The following LHFPL6 variants were observed in gnomAD, a reference collection of about 807,000 sequenced individuals.
LHFPL6 encodes the protein LHFPL tetraspan subfamily member 6.
LHFPL6 carries 9 observed loss-of-function variants against 20.6 expected under a neutral mutation model. That is an observed-to-expected ratio of 0.44 (90% CI 0.26 to 0.76). The LOEUF (loss-of-function observed/expected upper bound fraction) is 0.76. LHFPL6 is among the 30% of genes least tolerant of loss of function. The pLI, the probability that LHFPL6 is intolerant of heterozygous loss-of-function variation, is 0.20. For synonymous variants in LHFPL6, 105 were observed against 98.7 expected, an observed-to-expected ratio of 1.06 and a Z score of -0.38; for missense variants, 218 against 253.5, an observed-to-expected ratio of 0.86 and a Z score of 0.95.
chr13:39,384,006 T>C (rs1350043944), intron 2 of LHFPL6, among the ~76,000 whole-genome samples: 1 of 152,208 alleles, frequency 6.6e-6, no homozygotes, highest in Non-Finnish European at 1.5e-5. Context: ...GACCTCTTAG[T>C]AGGTCTACAA....
intron 2 of LHFPL6, among the ~76,000 whole-genome samples, chr13:39,542,399 C>T (rs1485351638): frequency 6.6e-6 from 1 of 152,176 alleles, no homozygotes; most frequent in African/African-American, 2.4e-5. Flanking sequence ...TAGCACAATG[C>T]CAGCTTCACC....
At chr13:39,362,605 A>G (rs1869903472) in intron 3 of LHFPL6, among the ~76,000 whole-genome samples, 1 of 152,198 alleles carries the variant, frequency 6.6e-6, no homozygotes, top group Non-Finnish European at 1.5e-5. Context: ...ACACCTGCAT[A>G]ATGGCCATTT....
At chr13:39,466,059 C>T (rs369398297) in intron 2 of LHFPL6, among the ~76,000 whole-genome samples, 15 of 152,106 alleles carry the variant, frequency 9.9e-5, no homozygotes, top group African/African-American at 3.6e-4. Flanking sequence ...TTCTTGAATG[C>T]CAGCCTTTGG....
At chr13:39,359,991 A>C (rs1055136313) in intron 3 of LHFPL6, among the ~76,000 whole-genome samples, 1 of 152,092 alleles carries the variant, frequency 6.6e-6, no homozygotes, top group African/African-American at 2.4e-5. Flanking sequence ...GAGCCACTTC[A>C]ACAGAAAGAG....
intron 2 of LHFPL6, among the ~76,000 whole-genome samples, chr13:39,504,904 T>C (rs183843258): frequency 1.6e-4 from 24 of 152,330 alleles, no homozygotes; most frequent in Non-Finnish European, 2.5e-4. Context: ...TCAATGTACA[T>C]GACCTTCCTG....
chr13:39,573,995 G>A (rs1275421687), intron 2 of LHFPL6, among the ~76,000 whole-genome samples: 3 of 152,064 alleles, frequency 2.0e-5, no homozygotes, highest in Admixed American at 2.0e-4. Context: ...AAAGTATATA[G>A]CTTCACTATA....
At chr13:39,351,231 T>C (rs1467359920) in intron 3 of LHFPL6, among the ~76,000 whole-genome samples, 1 of 152,204 alleles carries the variant, frequency 6.6e-6, no homozygotes. Flanking sequence ...AGCTGTCATA[T>C]ATAGACAGCA....
chr13:39,468,653 G>A (rs1259634178), intron 2 of LHFPL6, among the ~76,000 whole-genome samples: 2 of 152,194 alleles, frequency 1.3e-5, no homozygotes, highest in African/African-American at 2.4e-5. Context: ...ATATCCCCAG[G>A]AAATGGTCTG....
At chr13:39,404,607 C>T (rs1871072909) in intron 2 of LHFPL6, among the ~76,000 whole-genome samples, 1 of 152,180 alleles carries the variant, frequency 6.6e-6, no homozygotes, top group African/African-American at 2.4e-5. Context: ...TCATTGTGCA[C>T]CAAAGTTTGG....
chr13:39,527,078 G>A (rs541403634), intron 2 of LHFPL6, among the ~76,000 whole-genome samples: 16 of 152,280 alleles, frequency 1.1e-4, no homozygotes, highest in African/African-American at 2.4e-4. Context: ...GTCTCTGTAA[G>A]TGCTGGTACT....
chr13:39,457,713 G>A (rs1205966770), intron 2 of LHFPL6, among the ~76,000 whole-genome samples: 1 of 152,124 alleles, frequency 6.6e-6, no homozygotes, highest in Non-Finnish European at 1.5e-5. Context: ...TGAGGAAACT[G>A]TTGTATATCT....
At chr13:39,402,805 C>T (rs772559329) in intron 2 of LHFPL6, among the ~76,000 whole-genome samples, 6 of 152,208 alleles carry the variant, frequency 3.9e-5, no homozygotes, top group African/African-American at 1.4e-4. Flanking sequence ...GGCATAAAGG[C>T]GTAGCCAGCA....
At chr13:39,357,157 G>C (rs937032143) in intron 3 of LHFPL6, among the ~76,000 whole-genome samples, 1 of 152,088 alleles carries the variant, frequency 6.6e-6, no homozygotes, top group African/African-American at 2.4e-5. Context: ...GGGCAACAGA[G>C]CCACAGCCTG....
Position 39,457,522 on chromosome 13 carries a change from G to T in LHFPL6, c.386-78996C>A, listed in dbSNP as rs1369939138. On this transcript the variant is annotated intron_variant, in intron 2 of 3. Coordinates refer to ENST00000379589, the MANE Select transcript of LHFPL6 (RefSeq NM_005780.3). ...GGAGCAAGTAGATCTCTCATACATT[G>T]CTGGTAAAAATGCAAAATCATACAG... Among the ~76,000 whole-genome samples, 4 of 152,164 alleles carry T rather than the reference G, an allele frequency of 2.6e-5. No homozygotes were observed. The South Asian group carries it at 6.2e-4, about 24-fold the overall frequency.
intron 2 of LHFPL6, among the ~76,000 whole-genome samples, chr13:39,544,022 T>C (rs2138506248): frequency 6.6e-6 from 1 of 152,346 alleles, no homozygotes; most frequent in South Asian, 2.1e-4. Context: ...TATCATAGAC[T>C]TTTATTTCAA....
At chr13:39,443,923 A>G (rs975276351) in intron 2 of LHFPL6, among the ~76,000 whole-genome samples, 2 of 151,606 alleles carry the variant, frequency 1.3e-5, no homozygotes, top group African/African-American at 4.9e-5. Flanking sequence ...TGTTTATGGT[A>G]GGCTATCCTA....
chr13:39,475,514 T>C (rs1001214314), intron 2 of LHFPL6, among the ~76,000 whole-genome samples: 1 of 151,978 alleles, frequency 6.6e-6, no homozygotes, highest in Admixed American at 6.6e-5. Flanking sequence ...AATGTCAGAA[T>C]ACAATGATTT....
chr13:39,510,546 A>C (rs1869656781), intron 2 of LHFPL6, among the ~76,000 whole-genome samples: 1 of 152,206 alleles, frequency 6.6e-6, no homozygotes, highest in Non-Finnish European at 1.5e-5. Flanking sequence ...GAGAAACTAT[A>C]GTGTTTTACA....
At chr13:39,471,321 C>A (rs1290151608) in intron 2 of LHFPL6, among the ~76,000 whole-genome samples, 2 of 152,156 alleles carry the variant, frequency 1.3e-5, no homozygotes, top group African/African-American at 4.8e-5. Flanking sequence ...GAAGTCTGTC[C>A]CCTCCTTTCC....
Sources: gnomAD v4.1 joint callset for allele counts (sites outside exome capture counted in the v4.1 genomes callset) on GRCh38, gnomAD v4.1.1 for gene constraint, MANE v1.5 for transcripts, NCBI Gene and HGNC (gene_info 2026-07-23, HGNC 2026-07-21) for gene names.